Variants in ESR1 observed in about 807,000 individuals in gnomAD.
ESR1 encodes the protein estrogen receptor.
A neutral mutation model predicts 52.7 loss-of-function variants in ESR1; 12 were observed. The ratio of observed to expected loss-of-function variants is 0.23; its 90% CI spans 0.15 to 0.37. ESR1 has a LOEUF of 0.37. Ranked by LOEUF, ESR1 falls within the 10% of genes least tolerant of loss-of-function variation. The pLI is 1.00. For missense variants in ESR1, 584 were observed against 779.7 expected (o/e 0.75, Z 2.99); for synonymous variants, 305 against 316.8 (o/e 0.96, Z 0.39).
At chr6:152,004,994 T>G (rs866030814) in intron 4 of ESR1, among the ~76,000 whole-genome samples, 1 of 151,936 alleles carries the variant, frequency 6.6e-6, no homozygotes, top group Non-Finnish European at 1.5e-5. Context: ...TTACCACTGG[T>G]TTTTACTGCA....
At chr6:152,012,608 T>C (rs768217320) in intron 5 of ESR1, among the ~76,000 whole-genome samples, 6 of 152,194 alleles carry the variant, frequency 3.9e-5, no homozygotes, top group African/African-American at 4.8e-5. Context: ...AGAGTTCAAA[T>C]TCAAGATCTT....
chr6:151,892,217 T>G (rs17081821), intron 3 of ESR1, among the ~76,000 whole-genome samples: 17,635 of 152,186 alleles, frequency 0.12, 2,059 homozygotes, highest in African/African-American at 0.29. Flanking sequence ...TTTCAAATCT[T>G]AAATTTTATG....
intron 3 of ESR1, among the ~76,000 whole-genome samples, 162 bp downstream of exon 3, chr6:151,880,933 A>C (rs1014456544): frequency 6.6e-6 from 1 of 151,998 alleles, no homozygotes; most frequent in Non-Finnish European, 1.5e-5. Flanking sequence ...TTCATAATCC[A>C]TTTTATTTTA....
intron 1 of ESR1, among the ~76,000 whole-genome samples, chr6:151,824,123 T>C (rs553665432): frequency 5.3e-5 from 8 of 152,252 alleles, no homozygotes; most frequent in Non-Finnish European, 8.8e-5. Context: ...CCACATCCTC[T>C]CCAGCACCTG....
intron 2 of ESR1, among the ~76,000 whole-genome samples, chr6:151,765,549 TC>T (rs1372495215): frequency 3.9e-5 from 6 of 152,196 alleles, no homozygotes; most frequent in African/African-American, 1.2e-4. Flanking sequence ...CTATTTTTTT[TC>T]CTATAGCTAA....
At chr6:151,686,064 A>AT (rs557270210), upstream of ESR1, among the ~76,000 whole-genome samples, 20,578 of 114,374 alleles carry the variant, frequency 0.18, 1,563 homozygotes, top group Middle Eastern at 0.2. Flanking sequence ...AATTAAAACA[A>AT]TTTTTTTTTT....
At chr6:151,934,719 A>C (rs182246334) in intron 3 of ESR1, among the ~76,000 whole-genome samples, 14 of 152,350 alleles carry the variant, frequency 9.2e-5, no homozygotes, top group Admixed American at 2.0e-4. Flanking sequence ...ATTTCCAAAA[A>C]TAAAAGCATC....
intron 4 of ESR1, among the ~76,000 whole-genome samples, chr6:152,002,824 A>G (rs1005117662): frequency 2.0e-5 from 3 of 152,066 alleles, no homozygotes; most frequent in African/African-American, 7.2e-5. Context: ...AGACTAGTTT[A>G]CCTTCAAGCT....
At chr6:151,664,355 A>T (rs1462653586) in intron 1 of ESR1, among the ~76,000 whole-genome samples, 3 of 152,250 alleles carry the variant, frequency 2.0e-5, no homozygotes, top group Admixed American at 1.3e-4. Flanking sequence ...ATTGATACTG[A>T]TATGATTTCT....
chr6:151,784,000 C>T (rs964610003), intron 2 of ESR1, among the ~76,000 whole-genome samples: 2 of 152,182 alleles, frequency 1.3e-5, no homozygotes, highest in African/African-American at 4.8e-5. Flanking sequence ...AAATGAAATG[C>T]CATTCTTATT....
chr6:152,026,270 T>C (rs1319085275), intron 5 of ESR1, among the ~76,000 whole-genome samples: 1 of 152,106 alleles, frequency 6.6e-6, no homozygotes, highest in Non-Finnish European at 1.5e-5. Context: ...CATTATCTGC[T>C]GCATAAGTAT....
intron 1 of ESR1, among the ~76,000 whole-genome samples, chr6:151,829,475 C>G (rs1583518252): frequency 6.6e-6 from 1 of 152,162 alleles, no homozygotes; most frequent in African/African-American, 2.4e-5. Context: ...ATGGCTATCA[C>G]TGACAGCTTC....
At chr6:151,667,274 G>C (rs1207055678) in intron 1 of ESR1, among the ~76,000 whole-genome samples, 1 of 152,064 alleles carries the variant, frequency 6.6e-6, no homozygotes, top group Non-Finnish European at 1.5e-5. Context: ...TTTTTTATTA[G>C]TTTCTTTTCC....
At chr6:151,705,069 T>A (rs1780085143) in intron 2 of ESR1, among the ~76,000 whole-genome samples, 1 of 152,044 alleles carries the variant, frequency 6.6e-6, no homozygotes, top group Non-Finnish European at 1.5e-5. Context: ...TGTGAAATGA[T>A]ATTTGTATCC....
At chr6:152,031,738 G>A (rs1450225154) in intron 5 of ESR1, among the ~76,000 whole-genome samples, 2 of 151,986 alleles carry the variant, frequency 1.3e-5, no homozygotes, top group African/African-American at 4.8e-5. Context: ...CCATTCCTTC[G>A]GAAACTATTC....
At chr6:151,673,371 G>T (rs1778143625) in intron 1 of ESR1, among the ~76,000 whole-genome samples, 2 of 151,970 alleles carry the variant, frequency 1.3e-5, no homozygotes, top group Admixed American at 6.6e-5. Context: ...ATTAATTATT[G>T]TATCTCCTTT....
At chr6:151,936,559 A>G (rs1268626754) in intron 3 of ESR1, among the ~76,000 whole-genome samples, 3 of 152,232 alleles carry the variant, frequency 2.0e-5, no homozygotes, top group African/African-American at 7.2e-5. Flanking sequence ...ATTTTGTTAA[A>G]CAGATGACCA....
At chr6:151,746,593 C>A (rs1365005332) in intron 2 of ESR1, among the ~76,000 whole-genome samples, 1 of 152,162 alleles carries the variant, frequency 6.6e-6, no homozygotes, top group Non-Finnish European at 1.5e-5. Context: ...GTAGTTGAGA[C>A]TGAAATGCTA....
chr6:151,824,724 C>T (rs1196197951), intron 1 of ESR1, among the ~76,000 whole-genome samples: 2 of 151,938 alleles, frequency 1.3e-5, no homozygotes, highest in Non-Finnish European at 2.9e-5. Flanking sequence ...AGGCCAAGGC[C>T]TCCTGGCTAA....
Sources: allele counts gnomAD v4.1 joint callset (sites outside exome capture counted in the v4.1 genomes callset), GRCh38; gene constraint gnomAD v4.1.1; transcripts MANE v1.5; gene names NCBI Gene and HGNC (gene_info 2026-07-23, HGNC 2026-07-21).